PDE3B: variants seen among roughly 807,000 people sequenced by gnomAD.
PDE3B encodes the protein cGMP-inhibited 3',5'-cyclic phosphodiesterase 3B.
In PDE3B, 66 loss-of-function variants were observed where a neutral mutation model predicts 116.8. The ratio of observed to expected loss-of-function variants is 0.56; its 90% CI spans 0.46 to 0.69. PDE3B has a LOEUF of 0.69. PDE3B is among the 30% of genes least tolerant of loss of function. The pLI is 0.00. For missense variants in PDE3B, 1,384 were observed against 1,368.1 expected (o/e 1.01, Z -0.18); for synonymous variants, 595 against 533.6 (o/e 1.12, Z -1.59).
At chr11:14,702,378 C>A (rs1294071582) in intron 1 of PDE3B, among the ~76,000 whole-genome samples, 1 of 151,714 alleles carries the variant, frequency 6.6e-6, no homozygotes, top group African/African-American at 2.4e-5. Flanking sequence ...CTGTTGCAAG[C>A]TTTTGTCAGA....
chr11:14,670,855 C>G (rs569601046), intron 1 of PDE3B, among the ~76,000 whole-genome samples: 1 of 151,382 alleles, frequency 6.6e-6, no homozygotes, highest in Non-Finnish European at 1.5e-5. Flanking sequence ...TGTCATCTAT[C>G]TTTGTTTAAT....
chr11:14,831,954 A>G (rs1162723427), intron 9 of PDE3B, among the ~76,000 whole-genome samples, 177 bp downstream of exon 9: 2 of 152,166 alleles, frequency 1.3e-5, no homozygotes, highest in African/African-American at 2.4e-5. Flanking sequence ...TGTAGATCAT[A>G]CTATTATATA....
At chr11:14,810,374 G>A (rs1287802929) in intron 5 of PDE3B, among the ~76,000 whole-genome samples, 1 of 138,872 alleles carries the variant, frequency 7.2e-6, no homozygotes, top group Non-Finnish European at 1.5e-5. Flanking sequence ...GTGTCCATGT[G>A]TTCTCATTGT....
At chr11:14,665,846 G>A (rs2133771243) in intron 1 of PDE3B, among the ~76,000 whole-genome samples, 2 of 152,198 alleles carry the variant, frequency 1.3e-5, no homozygotes, top group African/African-American at 4.8e-5. Flanking sequence ...TCGTGAAAAT[G>A]GCCATACTGC....
chr11:14,725,113 T>A (rs1386659644), intron 1 of PDE3B, among the ~76,000 whole-genome samples: 1 of 152,142 alleles, frequency 6.6e-6, no homozygotes, highest in Non-Finnish European at 1.5e-5. Flanking sequence ...AATCAAGAAC[T>A]TCCTTCTTTT....
At chr11:14,763,690 G>T (rs1352408998) in intron 1 of PDE3B, among the ~76,000 whole-genome samples, 2 of 152,100 alleles carry the variant, frequency 1.3e-5, no homozygotes, top group Non-Finnish European at 2.9e-5. Flanking sequence ...CAGTTCATCT[G>T]TTGTGACAGA....
chr11:14,804,392 GA>G (rs1176432693), intron 5 of PDE3B, among the ~76,000 whole-genome samples: 6 of 150,968 alleles, frequency 4.0e-5, no homozygotes, highest in African/African-American at 1.2e-4. Flanking sequence ...TAATTGTGGA[GA>G]AAAAAATTTT....
chr11:14,784,468 A>C (rs1186221010), intron 2 of PDE3B, among the ~76,000 whole-genome samples: 1 of 152,226 alleles, frequency 6.6e-6, no homozygotes, highest in East Asian at 1.9e-4. Flanking sequence ...TGATACCAGT[A>C]GACGGTGATA....
At chr11:14,847,033 A>G (rs1351653217) in intron 12 of PDE3B, among the ~76,000 whole-genome samples, 1 of 152,198 alleles carries the variant, frequency 6.6e-6, no homozygotes, top group Non-Finnish European at 1.5e-5. Flanking sequence ...TCAACAGAAT[A>G]TACATTTTTT....
At chr11:14,660,999 T>A (rs1263145285) in intron 1 of PDE3B, among the ~76,000 whole-genome samples, 1 of 152,136 alleles carries the variant, frequency 6.6e-6, no homozygotes, top group Non-Finnish European at 1.5e-5. Context: ...AGAATGGCAG[T>A]CATTAAAAAG....
intron 1 of PDE3B, among the ~76,000 whole-genome samples, chr11:14,706,047 T>C (rs1855523675): frequency 6.6e-6 from 1 of 151,836 alleles, no homozygotes; most frequent in African/African-American, 2.4e-5. Flanking sequence ...AAGGATGCAA[T>C]GGCCATGTTG....
chr11:14,777,137 A>G (rs561688737), intron 2 of PDE3B, among the ~76,000 whole-genome samples: 3 of 152,218 alleles, frequency 2.0e-5, no homozygotes, highest in Non-Finnish European at 4.4e-5. Flanking sequence ...GATGGGATGA[A>G]TAACAGTGGA....
At chr11:14,771,902 T>C in intron 1 of PDE3B, 35 bp from the exon 2 acceptor site, 1 of 1,024,896 alleles carries the variant, frequency 9.8e-7, no homozygotes. Flanking sequence ...TTTTGTTTAT[T>C]TTTGGTTTGT....
chr11:14,726,427 T>A (rs1856309033), intron 1 of PDE3B, among the ~76,000 whole-genome samples: 1 of 152,122 alleles, frequency 6.6e-6, no homozygotes, highest in Non-Finnish European at 1.5e-5. Flanking sequence ...AATGAATGAA[T>A]ATATAAGTCT....
At chr11:14,832,298 C>T (rs1448466560) in intron 9 of PDE3B, among the ~76,000 whole-genome samples, 5 of 152,076 alleles carry the variant, frequency 3.3e-5, no homozygotes, top group African/African-American at 1.2e-4. Flanking sequence ...TTATGAAATG[C>T]AAAAACGTAA....
chr11:14,848,330 G>A (rs1847658605), intron 12 of PDE3B, among the ~76,000 whole-genome samples: 1 of 140,928 alleles, frequency 7.1e-6, no homozygotes, highest in African/African-American at 2.7e-5. Flanking sequence ...GTATTGATGG[G>A]ACGTATCTCA....
the PDE3B span, chr11:14,885,678 AG>A: frequency 8.0e-7 from 1 of 1,246,970 alleles, no homozygotes; most frequent in African/African-American, 1.5e-5. Context: ...CTTATTAATC[AG>A]TATAAAATAA....
rs1260975032 is a variant in PDE3B at position 14,802,128 on chromosome 11, C to T, written c.1416-1816C>T. 4.6e-5 allele frequency among the ~76,000 whole-genome samples: 7 copies of T among 152,238 alleles called. No individual in the cohort carries two copies. The East Asian group carries it at 7.7e-4, about 17-fold the overall frequency. On this transcript the variant is annotated intron_variant, in intron 4 of 15. Transcript: ENST00000282096. ...GGCTCCCTGGCTTTAGCCCTCTTTCCGGGGGAGTATAGGGTTCTGTCTTGC... is the reference window on the plus strand; with the variant it reads ...GGCTCCCTGGCTTTAGCCCTCTTTCTGGGGGAGTATAGGGTTCTGTCTTGC...
intron 1 of PDE3B, among the ~76,000 whole-genome samples, chr11:14,697,603 C>T (rs1289367379): frequency 6.6e-6 from 1 of 152,012 alleles, no homozygotes; most frequent in Non-Finnish European, 1.5e-5. Flanking sequence ...ATCCTTAGGT[C>T]AATTTCCACA....
Sources: allele counts gnomAD v4.1 joint callset (sites outside exome capture counted in the v4.1 genomes callset), GRCh38; gene constraint gnomAD v4.1.1; transcripts MANE v1.5; gene names NCBI Gene and HGNC (gene_info 2026-07-23, HGNC 2026-07-21).